The following IQCH variants were observed in gnomAD, a reference collection of about 807,000 sequenced individuals.
The protein encoded by IQCH is IQ motif containing H.
IQCH carries 98 observed loss-of-function variants against 117.0 expected under a neutral mutation model. The ratio of observed to expected loss-of-function variants is 0.84; its 90% CI spans 0.71 to 0.99. The LOEUF (loss-of-function observed/expected upper bound fraction) is 0.99, where lower values mean the gene tolerates loss of function less well. Ranked by LOEUF, IQCH falls within the 50% of genes least tolerant of loss-of-function variation. The pLI is 0.00. For synonymous variants in IQCH, 412 were observed against 448.2 expected, an observed-to-expected ratio of 0.92 and a Z score of 1.02; for missense variants, 1,102 against 1,243.8, an observed-to-expected ratio of 0.89 and a Z score of 1.72.
intron 4 of IQCH, among the ~76,000 whole-genome samples, chr15:67,315,955 G>A (rs1470100291): frequency 2.6e-5 from 4 of 152,170 alleles, no homozygotes; most frequent in Non-Finnish European, 5.9e-5. Flanking sequence ...GGAGGAGAAA[G>A]AGAAAAATAA....
At chr15:67,360,575 A>G (rs1293868138) in intron 8 of IQCH, among the ~76,000 whole-genome samples, 1 of 152,186 alleles carries the variant, frequency 6.6e-6, no homozygotes, top group Non-Finnish European at 1.5e-5. Flanking sequence ...CTTCACGTAG[A>G]GTTGCTGCAA....
rs774459384 is a variant in IQCH, at chr15:67,391,903, G to C, written c.1632+2897G>C. 1.1e-4 allele frequency among the ~76,000 whole-genome samples: 16 copies of C among 152,194 alleles called. No individual in the cohort carries two copies. Among genetic ancestry groups the C allele is most frequent in the Non-Finnish European group, 1.9e-4 (13 of 68,032 alleles). Reference sequence around the variant, plus strand: ...GAAACACGCAAACCTAGAGGAGACAGAACTCCATCCTGGCTGGAAATATGC... The same window carrying C: ...GAAACACGCAAACCTAGAGGAGACACAACTCCATCCTGGCTGGAAATATGC... On this transcript the variant is annotated intron_variant, in intron 12 of 20. Coordinates refer to ENST00000335894, the MANE Select transcript of IQCH (RefSeq NM_001031715.3). The surrounding 1 kb of genome is among the most constrained non-coding windows in gnomAD (Gnocchi z 4.3).
chr15:67,432,405 A>G lies in IQCH; in HGVS notation c.2505+10828A>G, dbSNP rs1415968042. Among the ~76,000 whole-genome samples the G allele has an allele frequency of 6.6e-6, 1 of 152,174 alleles. No individual in the cohort carries two copies. Among genetic ancestry groups the G allele is most frequent in the Non-Finnish European group, 1.5e-5 (1 of 68,008 alleles). On this transcript the variant is annotated intron_variant, in intron 16 of 20. Transcript: ENST00000335894. The surrounding 1 kb of genome is among the most constrained non-coding windows in gnomAD (Gnocchi z 5.0). ...AAAATCTGAAAATATTTTCATTGCA[A>G]TGGCAATGGGTTCTGGCCCCAGTCT...
intron 3 of IQCH, among the ~76,000 whole-genome samples, chr15:67,276,953 A>G (rs936255289): frequency 7.9e-5 from 12 of 152,156 alleles, no homozygotes; most frequent in African/African-American, 2.7e-4. Context: ...TCCTATAAGT[A>G]TGTCACACTG....
At position 67,456,605 on chromosome 15, in the gene IQCH, T is replaced by C. The variant is rs890073566; in HGVS notation, c.2506-8522T>C. On this transcript the variant is annotated intron_variant, in intron 16 of 20. Transcript: ENST00000335894. This position sits in a 1 kb window ranked among gnomAD's most constrained non-coding sequence, Gnocchi z 5.1. Reference sequence around the variant, plus strand: ...TTCATCTATTCCATGAGGATAATCATGGAATATGATTTAGACATAACTGTA... The same window carrying C: ...TTCATCTATTCCATGAGGATAATCACGGAATATGATTTAGACATAACTGTA... Among the ~76,000 whole-genome samples the C allele has an allele frequency of 1.3e-5, 2 of 152,214 alleles. No homozygotes were observed. The highest frequency in any genetic ancestry group is 2.9e-5 in the Non-Finnish European group (2 of 68,042).
At chr15:67,298,333 G>T (rs901901603) in intron 4 of IQCH, among the ~76,000 whole-genome samples, 7 of 151,260 alleles carry the variant, frequency 4.6e-5, no homozygotes, top group African/African-American at 1.7e-4. Flanking sequence ...ATCTGAATTG[G>T]CATTTCTCAA....
At chr15:67,377,704 T>G (rs527250533) in intron 10 of IQCH, among the ~76,000 whole-genome samples, 2 of 152,302 alleles carry the variant, frequency 1.3e-5, no homozygotes, top group East Asian at 3.9e-4. Flanking sequence ...ATGAAGCCAC[T>G]GCCAGCCAAT....
intron 3 of IQCH, among the ~76,000 whole-genome samples, chr15:67,266,119 A>G (rs1269624727): frequency 1.3e-5 from 2 of 151,046 alleles, no homozygotes; most frequent in Non-Finnish European, 2.9e-5. Context: ...TATATTCATA[A>G]TATGTGTATA....
At chr15:67,437,957 A>C (rs1262450974) in intron 16 of IQCH, among the ~76,000 whole-genome samples, 1 of 152,204 alleles carries the variant, frequency 6.6e-6, no homozygotes, top group African/African-American at 2.4e-5. Flanking sequence ...GAATTCTAAA[A>C]GCTTGGAAAA....
chr15:67,300,431 A>C (rs558947761), intron 4 of IQCH, among the ~76,000 whole-genome samples: 13 of 152,312 alleles, frequency 8.5e-5, no homozygotes, highest in South Asian at 8.3e-4. Context: ...ATACAGCTCA[A>C]ATCAGGACTT....
intron 5 of IQCH, among the ~76,000 whole-genome samples, chr15:67,340,332 G>T (rs1022105170): frequency 2.0e-5 from 3 of 147,330 alleles, no homozygotes; most frequent in African/African-American, 7.4e-5. Context: ...GGAGGCTGAG[G>T]CATGAGAATT....
chr15:67,448,157 C>CTG (rs113292992), intron 16 of IQCH, among the ~76,000 whole-genome samples: 135,392 of 147,652 alleles, frequency 0.92, 62,623 homozygotes, highest in East Asian at 0.98. Flanking sequence ...CTAAGTGACT[C>CTG]TGTGTGTGTG....
intron 7 of IQCH, among the ~76,000 whole-genome samples, 154 bp downstream of exon 7, chr15:67,357,575 G>A (rs749989731): frequency 9.9e-5 from 15 of 152,148 alleles, no homozygotes; most frequent in Admixed American, 2.6e-4. Flanking sequence ...TTTCAAAAGG[G>A]GAATTGTACA....
chr15:67,477,656 A>G (rs754755512), intron 18 of IQCH, among the ~76,000 whole-genome samples: 43 of 152,232 alleles, frequency 2.8e-4, no homozygotes, highest in Non-Finnish European at 5.6e-4. Context: ...CCCCAAACTG[A>G]TGAGATAAAA....
chr15:67,495,598 C>A (rs2083783232), intron 20 of IQCH, among the ~76,000 whole-genome samples: 1 of 152,202 alleles, frequency 6.6e-6, no homozygotes, highest in African/African-American at 2.4e-5. Context: ...ATCCATTCAG[C>A]CTGTCCAAAT....
chr15:67,356,507 TA>T lies in IQCH; in HGVS notation c.638-837del, dbSNP rs1365582749. Reference sequence around the variant, plus strand: ...TAAATTATATATTGATATCCTTTACTAGCATGCTGTTTTTGATCAATATCTG... The same window carrying T: ...TAAATTATATATTGATATCCTTTACTGCATGCTGTTTTTGATCAATATCTG... On this transcript the variant is annotated intron_variant, in intron 6 of 20. Transcript: ENST00000335894. This position sits in a 1 kb window ranked among gnomAD's most constrained non-coding sequence, Gnocchi z 5.3. Among the ~76,000 whole-genome samples the T allele has an allele frequency of 6.6e-6, 1 of 152,228 alleles. No homozygotes were observed. The highest frequency in any genetic ancestry group is 2.4e-5 in the African/African-American group (1 of 41,464).
intron 16 of IQCH, among the ~76,000 whole-genome samples, chr15:67,462,674 A>G (rs1171429075): frequency 6.6e-6 from 1 of 152,062 alleles, no homozygotes; most frequent in Admixed American, 6.5e-5. Context: ...GCTGCCTCCT[A>G]TTAAAATCCT....
chr15:67,283,543 T>C (rs1966448351), intron 4 of IQCH, among the ~76,000 whole-genome samples: 2 of 152,068 alleles, frequency 1.3e-5, no homozygotes, highest in Admixed American at 1.3e-4. Context: ...TTCTATTGAC[T>C]ATCCGTGACA....
At chr15:67,337,133 G>A (rs759019296) in intron 5 of IQCH, 38 bp downstream of exon 5, 14 of 1,608,372 alleles carry the variant, frequency 8.7e-6, no homozygotes, top group Admixed American at 6.7e-5. Flanking sequence ...GTTTAGGAAC[G>A]GAAAAGAAAG....
Sources: gnomAD v4.1 joint callset for allele counts (sites outside exome capture counted in the v4.1 genomes callset) on GRCh38, gnomAD v4.1.1 for gene constraint, Gnocchi (gnomAD v3.1) non-coding constraint, MANE v1.5 for transcripts, NCBI Gene and HGNC (gene_info 2026-07-23, HGNC 2026-07-21) for gene names.